Variants in COL5A2 observed in about 807,000 individuals in gnomAD.
The protein encoded by COL5A2 is collagen alpha-2(V) chain.
Under a neutral mutation model 208.2 loss-of-function variants are expected in COL5A2, and 23 were observed. That is an observed-to-expected ratio of 0.11 (90% CI 0.08 to 0.16). COL5A2 has a LOEUF of 0.16. Ranked by LOEUF, COL5A2 falls within the 10% of genes least tolerant of loss-of-function variation. The pLI is 1.00. For synonymous variants in COL5A2, 625 were observed against 628.5 expected (o/e 0.99, Z 0.08); for missense variants, 1,590 against 1,956.4 (o/e 0.81, Z 3.53).
chr2:189,045,129 A>G (rs1685637778), intron 47 of COL5A2, 50 bp downstream of exon 47: 1 of 1,277,142 alleles, frequency 7.8e-7, no homozygotes, highest in Admixed American at 1.9e-5. Flanking sequence ...CTTTGGGAGT[A>G]TATTTTATAT....
intron 35 of COL5A2, 108 bp downstream of exon 35, chr2:189,056,865 G>C (rs747463084): frequency 9.6e-7 from 1 of 1,044,696 alleles, no homozygotes; most frequent in East Asian, 2.4e-5. Flanking sequence ...TCCAACTCCT[G>C]ACTACCAAGG....
At chr2:189,071,911 C>G (rs1172871403) in intron 18 of COL5A2, 129 bp downstream of exon 18, 2 of 604,926 alleles carry the variant, frequency 3.3e-6, no homozygotes, top group Admixed American at 6.2e-5. Context: ...GAAAAATGAG[C>G]ATACTCTAGG....
intron 1 of COL5A2, among the ~76,000 whole-genome samples, chr2:189,114,936 T>G (rs995839239): frequency 6.6e-6 from 1 of 152,058 alleles, no homozygotes; most frequent in Non-Finnish European, 1.5e-5. Flanking sequence ...AACTATAATT[T>G]TGCATTACTT....
chr2:189,412,416 T>C, the COL5A2 span, among the ~76,000 whole-genome samples: 1 of 152,262 alleles, frequency 6.6e-6, no homozygotes. Context: ...ATACTCATTC[T>C]ATAACATTCC....
chr2:189,418,178 CAT>C, the COL5A2 span, among the ~76,000 whole-genome samples: 11 of 152,142 alleles, frequency 7.2e-5, no homozygotes, highest in African/African-American at 1.4e-4. Flanking sequence ...AAAAAAATGA[CAT>C]GTCTTTCCAT....
chr2:189,103,507 G>A (rs933461007), intron 3 of COL5A2, among the ~76,000 whole-genome samples: 12 of 151,970 alleles, frequency 7.9e-5, no homozygotes, highest in African/African-American at 2.9e-4. Flanking sequence ...TGATCCCTGT[G>A]CCCATCTCAT....
the COL5A2 span, among the ~76,000 whole-genome samples, chr2:189,266,425 C>CA: frequency 0.036 from 4,831 of 134,000 alleles, 96 homozygotes; most frequent in East Asian, 0.1. Context: ...GACTTCATCT[C>CA]AAAAAAAAAA....
chr2:189,352,304 T>C, the COL5A2 span, among the ~76,000 whole-genome samples: 15 of 152,226 alleles, frequency 9.9e-5, 1 homozygote, highest in African/African-American at 2.4e-5. Context: ...TATAATCCTT[T>C]GGGTATACAC....
the COL5A2 span, among the ~76,000 whole-genome samples, chr2:189,414,906 G>A: frequency 3.3e-5 from 5 of 152,010 alleles, no homozygotes; most frequent in South Asian, 4.2e-4. Flanking sequence ...CATAGGCAGC[G>A]CTTCCTCCAT....
the COL5A2 span, among the ~76,000 whole-genome samples, chr2:189,303,878 G>A: frequency 2.0e-4 from 31 of 152,246 alleles, no homozygotes; most frequent in African/African-American, 7.2e-4. Flanking sequence ...TGAATCTGCT[G>A]TGATTCTGGG....
At chr2:189,155,255 T>C (rs1420018628) in intron 1 of COL5A2, among the ~76,000 whole-genome samples, 1 of 152,242 alleles carries the variant, frequency 6.6e-6, no homozygotes, top group African/African-American at 2.4e-5. Context: ...CCCAAAGTGC[T>C]AGGATAACAG....
At chr2:189,187,796 C>T (rs1283970582) in intron 1 of COL5A2, among the ~76,000 whole-genome samples, 1 of 151,822 alleles carries the variant, frequency 6.6e-6, no homozygotes, top group Admixed American at 6.6e-5. Context: ...GGTGAGACTC[C>T]GTCTCTACTA....
At chr2:189,410,786 T>C in the COL5A2 span, among the ~76,000 whole-genome samples, 22 of 152,276 alleles carry the variant, frequency 1.4e-4, no homozygotes, top group African/African-American at 9.6e-5. Flanking sequence ...TTTAGTGAAT[T>C]GATGTATTTT....
the COL5A2 span, among the ~76,000 whole-genome samples, chr2:189,419,822 G>T: frequency 3.4e-5 from 5 of 149,172 alleles, no homozygotes. Flanking sequence ...GAAAAGAAAA[G>T]AGAGGAGAGG....
chr2:189,243,665 C>T, the COL5A2 span, among the ~76,000 whole-genome samples: 8 of 152,246 alleles, frequency 5.3e-5, no homozygotes, highest in Admixed American at 5.2e-4. Flanking sequence ...ATCTCATATC[C>T]TCACATTTCA....
chr2:189,276,779 C>A, the COL5A2 span, among the ~76,000 whole-genome samples: 2 of 152,034 alleles, frequency 1.3e-5, no homozygotes, highest in Non-Finnish European at 2.9e-5. Context: ...TTCTCTTTTG[C>A]AATGATGTAT....
the COL5A2 span, among the ~76,000 whole-genome samples, chr2:189,271,432 T>A: frequency 6.6e-6 from 1 of 152,158 alleles, no homozygotes. Flanking sequence ...TAATAAATGA[T>A]GTTGGGAAAA....
intron 1 of COL5A2, among the ~76,000 whole-genome samples, chr2:189,159,860 GC>G (rs1439490095): frequency 6.6e-6 from 1 of 151,856 alleles, no homozygotes; most frequent in Non-Finnish European, 1.5e-5. Flanking sequence ...AGCCTGGGTG[GC>G]AGAGCGGGAC....
chr2:189,290,717 T>TACACACACACACACACAC, the COL5A2 span, among the ~76,000 whole-genome samples: 190 of 136,608 alleles, frequency 1.4e-3, 1 homozygote, highest in Middle Eastern at 7.4e-3. Context: ...TTTTTGTTAA[T>TACACACACACACACACAC]ACACACACAC....
Sources: gnomAD v4.1 joint callset for allele counts (sites outside exome capture counted in the v4.1 genomes callset) on GRCh38, gnomAD v4.1.1 for gene constraint, MANE v1.5 for transcripts, NCBI Gene and HGNC (gene_info 2026-07-23, HGNC 2026-07-21) for gene names.